FRMD4B: variants seen among roughly 807,000 people sequenced by gnomAD.
The protein encoded by FRMD4B is FERM domain-containing protein 4B.
A neutral mutation model predicts 141.5 loss-of-function variants in FRMD4B; 74 were observed. The ratio of observed to expected loss-of-function variants is 0.52; its 90% CI spans 0.43 to 0.63. The LOEUF (loss-of-function observed/expected upper bound fraction) is 0.63, where lower values mean the gene tolerates loss of function less well. FRMD4B is among the 30% of genes least tolerant of loss of function. FRMD4B has a pLI of 0.00. For synonymous variants in FRMD4B, 506 were observed against 467.9 expected, an observed-to-expected ratio of 1.08 and a Z score of -1.05; for missense variants, 1,366 against 1,253.4, an observed-to-expected ratio of 1.09 and a Z score of -1.36.
intron 1 of FRMD4B, among the ~76,000 whole-genome samples, chr3:69,448,483 G>C (rs1180927467): frequency 1.3e-5 from 2 of 152,198 alleles, no homozygotes; most frequent in Non-Finnish European, 2.9e-5. Context: ...ATTTACACCA[G>C]CAGTGTATGG....
At position 69,540,881 on chromosome 3, in the gene FRMD4B, T is replaced by G. The variant is rs143008921; in HGVS notation, c.-129+1325A>C. 4.2e-3 allele frequency among the ~76,000 whole-genome samples: 645 copies of G among 151,988 alleles called. 7 individuals are homozygous for G. Among genetic ancestry groups the G allele is most frequent in the African/African-American group, 0.015 (619 of 41,424 alleles). ...CTCAAGGGCTAGGTTTACCACTTCA[T>G]GGATTATGGATGATGCCCCAAAAGT... On this transcript the variant is annotated intron_variant, in intron 1 of 5. Transcript: ENST00000459638.
intron 5 of FRMD4B, among the ~76,000 whole-genome samples, chr3:69,260,104 C>T (rs1252878546): frequency 6.6e-6 from 1 of 152,118 alleles, no homozygotes; most frequent in African/African-American, 2.4e-5. Context: ...TGAGAGGTGA[C>T]AACGTGCTAG....
chr3:69,496,360 A>G (rs967665510), intron 1 of FRMD4B, among the ~76,000 whole-genome samples: 1 of 152,112 alleles, frequency 6.6e-6, no homozygotes, highest in African/African-American at 2.4e-5. Context: ...CTGCTCCAGG[A>G]ATGACCCAGG....
At chr3:69,293,955 CA>C (rs1700960900) in intron 4 of FRMD4B, among the ~76,000 whole-genome samples, 1 of 139,972 alleles carries the variant, frequency 7.1e-6, no homozygotes, top group Admixed American at 7.1e-5. Flanking sequence ...ACAAATGCTA[CA>C]AAAATGTCTG....
At chr3:69,329,516 ATTTTTTTTTTT>A (rs10554375) in intron 1 of FRMD4B, among the ~76,000 whole-genome samples, 855 of 55,582 alleles carry the variant, frequency 0.015, 25 homozygotes, top group African/African-American at 0.046. Flanking sequence ...TGCCCAGCTA[ATTTTTTTTTTT>A]TTTTTTTTTT....
intron 2 of FRMD4B, among the ~76,000 whole-genome samples, chr3:69,429,429 A>AT (rs910693228): frequency 6.6e-6 from 1 of 152,142 alleles, no homozygotes; most frequent in Non-Finnish European, 1.5e-5. Flanking sequence ...TATTTAAAAT[A>AT]TTTTTTTGTC....
chr3:69,521,668 T>C (rs1385941241), intron 1 of FRMD4B, among the ~76,000 whole-genome samples: 1 of 152,108 alleles, frequency 6.6e-6, no homozygotes, highest in Non-Finnish European at 1.5e-5. Context: ...CCTCCCCTAC[T>C]CAATATGTTC....
intron 7 of FRMD4B, among the ~76,000 whole-genome samples, chr3:69,245,994 T>G (rs554322262): frequency 2.6e-5 from 4 of 151,926 alleles, no homozygotes; most frequent in Non-Finnish European, 5.9e-5. Flanking sequence ...TGTGCCACCA[T>G]GCCCAGCTAA....
At chr3:69,421,219 A>T (rs1704973115) in intron 2 of FRMD4B, among the ~76,000 whole-genome samples, 3 of 152,260 alleles carry the variant, frequency 2.0e-5, no homozygotes, top group Non-Finnish European at 4.4e-5. Context: ...TCTGGGAGAC[A>T]GTATACCAGC....
chr3:69,457,770 C>T (rs769188910), intron 1 of FRMD4B, among the ~76,000 whole-genome samples: 18 of 152,280 alleles, frequency 1.2e-4, no homozygotes, highest in Non-Finnish European at 2.4e-4. Flanking sequence ...AGTAGCCGAC[C>T]CTTGCGCCCA....
Position 69,341,772 on chromosome 3 carries a change from C to A in FRMD4B, c.163-28255G>T, listed in dbSNP as rs75412262. On this transcript the variant is annotated intron_variant, in intron 1 of 22. Transcript: ENST00000398540. Reference sequence around the variant, plus strand: ...AAGCCCTTATAAAATAGGCTTCATGCAGCATTTGGCAAGCTTGCCTTTTTG... The same window carrying A: ...AAGCCCTTATAAAATAGGCTTCATGAAGCATTTGGCAAGCTTGCCTTTTTG... 8.6e-3 allele frequency among the ~76,000 whole-genome samples: 1,309 copies of A among 152,328 alleles called. 30 individuals carry two copies. Among genetic ancestry groups the A allele is most frequent in the African/African-American group, 0.029 (1,198 of 41,570 alleles).
rs948665576 is a variant in FRMD4B at position 69,448,341 on chromosome 3, C to G, written c.-128-15580G>C. On this transcript the variant is annotated intron_variant, in intron 1 of 5. Transcript: ENST00000459638. ...CACCACGCCTGGCCCCAGTACAAAT[C>G]TTTTATGGGCATATATTTTCATTGC... is the stretch of plus-strand genomic sequence containing the variant. 7.2e-5 allele frequency among the ~76,000 whole-genome samples: 11 copies of G among 152,136 alleles called. 1 individual carries two copies. The highest frequency in any genetic ancestry group is 2.4e-5 in the African/African-American group (1 of 41,452).
chr3:69,362,608 C>T (rs911863483), intron 1 of FRMD4B, among the ~76,000 whole-genome samples: 2 of 151,652 alleles, frequency 1.3e-5, no homozygotes, highest in Admixed American at 6.6e-5. Context: ...AACTGGAAGG[C>T]GGAGGTTGCA....
At chr3:69,422,583 C>T (rs1285216427) in intron 2 of FRMD4B, among the ~76,000 whole-genome samples, 1 of 152,118 alleles carries the variant, frequency 6.6e-6, no homozygotes, top group Admixed American at 6.5e-5. Context: ...AAGGACCAGA[C>T]AGTAAATATT....
intron 5 of FRMD4B, among the ~76,000 whole-genome samples, chr3:69,283,053 A>G (rs539598739): frequency 6.6e-6 from 1 of 152,250 alleles, no homozygotes; most frequent in East Asian, 1.9e-4. Flanking sequence ...TAAAAGTTCT[A>G]AATTATTTGA....
At chr3:69,335,099 T>C (rs1245321634) in intron 1 of FRMD4B, among the ~76,000 whole-genome samples, 1 of 152,188 alleles carries the variant, frequency 6.6e-6, no homozygotes, top group African/African-American at 2.4e-5. Flanking sequence ...CAGTGAGCTA[T>C]GAGTTATGCC....
chr3:69,540,066 G>C (rs560824598), intron 1 of FRMD4B, among the ~76,000 whole-genome samples: 3 of 152,290 alleles, frequency 2.0e-5, no homozygotes, highest in Admixed American at 1.3e-4. Context: ...GGTGGCACAT[G>C]CCTGTAATCC....
In FRMD4B at chr3:69,182,730, A is replaced by G; in HGVS notation, c.1920-13T>C. 1 of 1,610,340 alleles carries G rather than the reference A, an allele frequency of 6.2e-7. No homozygotes were observed. Reference sequence around the variant, plus strand: ...GGACAGCATTTCTCTGTGATGATAAAAAGAAGAATTCAGGAAATGATGAGT... The same window carrying G: ...GGACAGCATTTCTCTGTGATGATAAGAAGAAGAATTCAGGAAATGATGAGT... On this transcript the variant is annotated splice_polypyrimidine_tract_variant and intron_variant, in intron 19 of 22. Transcript: ENST00000398540.
intron 5 of FRMD4B, among the ~76,000 whole-genome samples, chr3:69,279,575 C>G (rs1315702302): frequency 6.6e-6 from 1 of 152,054 alleles, no homozygotes; most frequent in Non-Finnish European, 1.5e-5. Context: ...TCTTCTTGCC[C>G]CAGCCTCCTG....
Sources: gnomAD v4.1 joint callset for allele counts (sites outside exome capture counted in the v4.1 genomes callset) on GRCh38, gnomAD v4.1.1 for gene constraint, MANE v1.5 for transcripts, NCBI Gene and HGNC (gene_info 2026-07-23, HGNC 2026-07-21) for gene names.